Variants in CCDC144A observed in about 807,000 individuals in gnomAD.
The protein encoded by CCDC144A is coiled-coil domain-containing protein 144A.
Under a neutral mutation model 143.8 loss-of-function variants are expected in CCDC144A, and 41 were observed. The observed-to-expected ratio is 0.29, with a 90% confidence interval of 0.22 to 0.37. The LOEUF (loss-of-function observed/expected upper bound fraction) is 0.37. Ranked by LOEUF, CCDC144A falls within the 10% of genes least tolerant of loss-of-function variation. CCDC144A has a pLI of 1.00. For missense variants in CCDC144A, 637 were observed against 1,488.8 expected, an observed-to-expected ratio of 0.43 and a Z score of 9.41; for synonymous variants, 242 against 517.9, an observed-to-expected ratio of 0.47 and a Z score of 7.23.
At chr17:16,694,154 C>A (rs897626341) in intron 2 of CCDC144A, among the ~76,000 whole-genome samples, 20 of 149,484 alleles carry the variant, frequency 1.3e-4, no homozygotes, top group Non-Finnish European at 2.7e-4. Flanking sequence ...ATAAGTAGAC[C>A]CCTGCAGTTC....
the CCDC144A span, among the ~76,000 whole-genome samples, chr17:16,681,719 G>T: frequency 1.2e-4 from 18 of 152,016 alleles, no homozygotes; most frequent in South Asian, 3.8e-3. Flanking sequence ...AATTAGCCGG[G>T]TGTGGTGGCG....
Position 16,712,055 on chromosome 17 carries a change from G to C in CCDC144A, c.1715+240G>C, listed in dbSNP as rs773786252. ...TGAGGCAAGAGAATCATTTGAACCTGGGAGGCGGGGGTTGTGGTGAGCTGT... is the reference window on the plus strand; with the variant it reads ...TGAGGCAAGAGAATCATTTGAACCTCGGAGGCGGGGGTTGTGGTGAGCTGT... On this transcript the variant is annotated intron_variant, in intron 6 of 16. Coordinates refer to ENST00000399273, the MANE Select transcript of CCDC144A (RefSeq NM_001382000.1). 205 of 525,088 alleles carry C rather than the reference G, an allele frequency of 3.9e-4. 1 individual carries two copies. The highest frequency in any genetic ancestry group is 6.5e-4 in the South Asian group (31 of 47,774). The allele number at this position is 525,088 out of a possible 1,614,324, so 32.5% of individuals were successfully genotyped here. A position where few individuals can be genotyped will look rare whatever the true frequency, so the allele number is the denominator to read the frequency against.
chr17:16,704,948 G>A (rs1911961404), intron 2 of CCDC144A, among the ~76,000 whole-genome samples: 2 of 152,172 alleles, frequency 1.3e-5, no homozygotes, highest in African/African-American at 4.8e-5. Context: ...ATGTAGAAAA[G>A]TGAGAGATGA....
intron 12 of CCDC144A, chr17:16,746,754 T>A (rs1914543131): frequency 1.9e-6 from 3 of 1,608,548 alleles, no homozygotes; most frequent in Non-Finnish European, 2.5e-6. Context: ...AGGCGGCAGA[T>A]GACCACCTGC....
intron 2 of CCDC144A, among the ~76,000 whole-genome samples, chr17:16,694,524 G>A (rs1305434457): frequency 6.6e-6 from 1 of 152,114 alleles, no homozygotes; most frequent in East Asian, 1.9e-4. Context: ...CAAGGCTGTA[G>A]TGAGCTGTGA....
chr17:16,684,358 A>G, the CCDC144A span: 2 of 632,216 alleles, frequency 3.2e-6, no homozygotes, highest in Non-Finnish European at 5.7e-6. Context: ...CATAATATAT[A>G]TTAAAACATA....
chr17:16,746,271 C>CTCT (rs370181880), intron 12 of CCDC144A: 189 of 779,932 alleles, frequency 2.4e-4, no homozygotes, highest in Admixed American at 1.7e-3. Context: ...CTCTCTCTCT[C>CTCT]TTTTTTTTTT....
intron 6 of CCDC144A, among the ~76,000 whole-genome samples, chr17:16,717,067 C>T (rs527599754): frequency 5.3e-5 from 8 of 149,798 alleles, no homozygotes; most frequent in African/African-American, 2.0e-4. Flanking sequence ...TCCCAAAGTG[C>T]TGGGATTACA....
At chr17:16,678,594 T>TTTTC in the CCDC144A span, among the ~76,000 whole-genome samples, 1 of 150,424 alleles carries the variant, frequency 6.6e-6, no homozygotes, top group African/African-American at 2.4e-5. Flanking sequence ...TCTTTTTTTT[T>TTTTC]TTTTTTGACA....
intron 14 of CCDC144A, among the ~76,000 whole-genome samples, chr17:16,762,763 G>A (rs1229224081): frequency 1.3e-5 from 2 of 152,126 alleles, no homozygotes; most frequent in Non-Finnish European, 2.9e-5. Context: ...GACAGTTCCT[G>A]TCTCTCCTGT....
chr17:16,709,969 T>TA (rs1337276134), intron 5 of CCDC144A: 82 of 271,938 alleles, frequency 3.0e-4, no homozygotes, highest in African/African-American at 1.9e-3. Context: ...TTTTTCCTTT[T>TA]ACCGACTTAA....
chr17:16,760,399 G>A (rs1403532022), intron 12 of CCDC144A, among the ~76,000 whole-genome samples: 2 of 143,050 alleles, frequency 1.4e-5, no homozygotes, highest in African/African-American at 5.8e-5. Context: ...GCAATTTTTT[G>A]TTGTCATTCT....
rs1310113729 is a variant in CCDC144A at position 16,702,642 on chromosome 17, C to T, written c.416-2509C>T. Among the ~76,000 whole-genome samples the T allele has an allele frequency of 2.0e-5, 3 of 152,130 alleles. No homozygotes were observed. In the East Asian group the frequency reaches 5.8e-4, roughly 29 times the overall value. On this transcript the variant is annotated intron_variant, in intron 2 of 16. Coordinates refer to ENST00000399273, the MANE Select transcript of CCDC144A (RefSeq NM_001382000.1). ...ATGTTCCAAGACCCCCAGTGAATGCCTGGAAGTGTGGATAGTACTGAACCC... is the reference window on the plus strand; with the variant it reads ...ATGTTCCAAGACCCCCAGTGAATGCTTGGAAGTGTGGATAGTACTGAACCC...
the CCDC144A span, chr17:16,683,561 G>C: frequency 1.3e-6 from 2 of 1,599,696 alleles, no homozygotes; most frequent in Non-Finnish European, 1.7e-6. Context: ...TTCTGACCGG[G>C]AATGAGTGCA....
chr17:16,769,048 G>A (rs1597598396), intron 15 of CCDC144A, among the ~76,000 whole-genome samples: 1 of 152,164 alleles, frequency 6.6e-6, no homozygotes, highest in Admixed American at 6.5e-5. Context: ...GGAGGATGTG[G>A]CTCAGATGTG....
chr17:16,683,965 A>T, the CCDC144A span: 1 of 1,139,628 alleles, frequency 8.8e-7, no homozygotes, highest in South Asian at 1.2e-5. Flanking sequence ...GCTATCCTTT[A>T]ACTGTAGGCA....
intron 6 of CCDC144A, among the ~76,000 whole-genome samples, chr17:16,713,252 G>T (rs1481172787): frequency 1.3e-5 from 2 of 151,572 alleles, no homozygotes; most frequent in East Asian, 1.9e-4. Flanking sequence ...CAGGCAGTGG[G>T]CTGGATTTGC....
At chr17:16,711,154 A>AAAAAAAAC (rs1261984842) in intron 5 of CCDC144A, among the ~76,000 whole-genome samples, 1 of 142,466 alleles carries the variant, frequency 7.0e-6, no homozygotes, top group Non-Finnish European at 1.5e-5. Flanking sequence ...AAAAAAAAAA[A>AAAAAAAAC]AAAACAAAAG....
chr17:16,712,099 G>A (rs552783150), intron 6 of CCDC144A: 11 of 312,392 alleles, frequency 3.5e-5, no homozygotes, highest in East Asian at 2.0e-4. Flanking sequence ...CATTGCACTC[G>A]AGCCTGGGCA....
Sources: allele counts gnomAD v4.1 joint callset (sites outside exome capture counted in the v4.1 genomes callset), GRCh38; gene constraint gnomAD v4.1.1; transcripts MANE v1.5; gene names NCBI Gene and HGNC (gene_info 2026-07-23, HGNC 2026-07-21).